NRG2: variants seen among roughly 807,000 people sequenced by gnomAD.
NRG2 encodes pro-neuregulin-2, membrane-bound isoform.
NRG2 carries 27 observed loss-of-function variants against 73.9 expected under a neutral mutation model. The observed-to-expected ratio is 0.37, with a 90% CI of 0.27 to 0.50. The LOEUF is 0.50. Ranked by LOEUF, NRG2 falls within the 20% of genes least tolerant of loss-of-function variation. The pLI is 0.96. For synonymous variants in NRG2, 532 were observed against 541.0 expected (o/e 0.98, Z 0.23); for missense variants, 1,126 against 1,210.1 (o/e 0.93, Z 1.03).
At chr5:140,040,573 T>A (rs1016716854) in intron 1 of NRG2, among the ~76,000 whole-genome samples, 1 of 152,166 alleles carries the variant, frequency 6.6e-6, no homozygotes, top group African/African-American at 2.4e-5. Flanking sequence ...ACAAAGACCA[T>A]CAAGTCCTCA....
chr5:139,937,176 T>C (rs1218429284), intron 1 of NRG2, among the ~76,000 whole-genome samples: 1 of 152,246 alleles, frequency 6.6e-6, no homozygotes, highest in Non-Finnish European at 1.5e-5. Flanking sequence ...GACTGCAAGA[T>C]TAATTTAACA....
chr5:139,868,821 C>G lies in NRG2; in HGVS notation c.1112+2900G>C, dbSNP rs1762663395. On this transcript the variant is annotated intron_variant, in intron 4 of 9. Transcript: ENST00000361474. This position sits in a 1 kb window ranked among gnomAD's most constrained non-coding sequence, Gnocchi z 4.2. ...TGAAGATGTGGCGAGGATGAGCAGG[C>G]AGATGGAGGTGGGATGGGGAATCAC... Among the ~76,000 whole-genome samples, 1 of 151,350 alleles carries G rather than the reference C, an allele frequency of 6.6e-6. No homozygotes were observed. The highest frequency in any genetic ancestry group is 2.1e-4 in the South Asian group (1 of 4,770).
chr5:139,921,853 G>A (rs1751689822), intron 1 of NRG2, among the ~76,000 whole-genome samples: 1 of 152,104 alleles, frequency 6.6e-6, no homozygotes, highest in Admixed American at 6.6e-5. Context: ...CTTGAGCTCA[G>A]GAGTTTGAGA....
intron 6 of NRG2, among the ~76,000 whole-genome samples, chr5:139,854,022 A>C (rs1043996194): frequency 3.9e-5 from 6 of 152,214 alleles, no homozygotes; most frequent in African/African-American, 1.4e-4. Context: ...ATTATTATGC[A>C]TTGCATGTCT....
At chr5:139,944,772 G>A (rs913565273) in intron 1 of NRG2, among the ~76,000 whole-genome samples, 1 of 152,120 alleles carries the variant, frequency 6.6e-6, no homozygotes, top group African/African-American at 2.4e-5. Flanking sequence ...TAAACTCCCA[G>A]TAGTGATATT....
intron 1 of NRG2, among the ~76,000 whole-genome samples, chr5:140,024,177 GGA>G (rs1185847944): frequency 6.6e-6 from 1 of 152,160 alleles, no homozygotes; most frequent in East Asian, 1.9e-4. Flanking sequence ...CTCACTGTAT[GGA>G]GAGAGATGCC....
intron 1 of NRG2, among the ~76,000 whole-genome samples, chr5:140,005,924 T>C (rs1198275634): frequency 6.6e-6 from 1 of 152,182 alleles, no homozygotes; most frequent in Non-Finnish European, 1.5e-5. Context: ...CGTGTGATCC[T>C]CTAAGCCTTC....
chr5:139,980,441 C>A (rs961964731), intron 1 of NRG2, among the ~76,000 whole-genome samples: 5 of 152,132 alleles, frequency 3.3e-5, no homozygotes, highest in African/African-American at 4.8e-5. Context: ...AGAGTCCAAG[C>A]CTTAGATCCA....
Position 139,887,164 on chromosome 5 carries a change from C to T in NRG2, c.872+176G>A, listed in dbSNP as rs936161635. Among the ~76,000 whole-genome samples, 5 of 152,276 alleles carry T rather than the reference C, an allele frequency of 3.3e-5. No homozygotes were observed. The highest frequency in any genetic ancestry group is 2.1e-4 in the South Asian group (1 of 4,828). ...TGGGCCACCATGACCAGAGGGTCCCCGAGCTGCAGGAAGAAGGCTGGGAGT... is the reference window on the plus strand; with the variant it reads ...TGGGCCACCATGACCAGAGGGTCCCTGAGCTGCAGGAAGAAGGCTGGGAGT... On this transcript the variant is annotated intron_variant, in intron 2 of 9. Coordinates refer to ENST00000361474, the MANE Select transcript of NRG2 (RefSeq NM_004883.3). This position sits in a 1 kb window ranked among gnomAD's most constrained non-coding sequence, Gnocchi z 4.5.
chr5:139,934,887 G>A (rs747023337), intron 1 of NRG2, among the ~76,000 whole-genome samples: 7 of 152,290 alleles, frequency 4.6e-5, no homozygotes, highest in East Asian at 3.9e-4. Context: ...AATCCTGGCC[G>A]GGCGCGGTGG....
At chr5:139,939,378 G>A (rs895590042) in intron 1 of NRG2, among the ~76,000 whole-genome samples, 7 of 151,766 alleles carry the variant, frequency 4.6e-5, no homozygotes, top group Non-Finnish European at 1.0e-4. Context: ...GGGTTCAAGC[G>A]ATTCTCATGC....
intron 1 of NRG2, among the ~76,000 whole-genome samples, chr5:140,012,983 A>G (rs959244128): frequency 6.6e-6 from 1 of 152,158 alleles, no homozygotes; most frequent in East Asian, 1.9e-4. Context: ...CCTGACAATC[A>G]TACTGTACCT....
chr5:139,871,414 C>T lies in NRG2; in HGVS notation c.1112+307G>A, dbSNP rs182160109. ...GAGAGAGAGAAAGAGAAACCCAGTGCCCAGTGCCTAGGGCATAGACTAGCA... is the reference window on the plus strand; with the variant it reads ...GAGAGAGAGAAAGAGAAACCCAGTGTCCAGTGCCTAGGGCATAGACTAGCA... On this transcript the variant is annotated intron_variant, in intron 4 of 9. Coordinates refer to ENST00000361474, the MANE Select transcript of NRG2 (RefSeq NM_004883.3). Among the ~76,000 whole-genome samples the T allele has an allele frequency of 6.0e-4, 91 of 152,190 alleles. 2 individuals are homozygous for T. The highest frequency in any genetic ancestry group is 6.2e-4 in the South Asian group (3 of 4,824).
At chr5:139,891,039 T>C (rs1270488778) in intron 1 of NRG2, among the ~76,000 whole-genome samples, 1 of 152,126 alleles carries the variant, frequency 6.6e-6, no homozygotes, top group African/African-American at 2.4e-5. Flanking sequence ...CTTACCTCAC[T>C]TGGAGTGTGT....
At chr5:140,019,178 G>A (rs1363827575) in intron 1 of NRG2, among the ~76,000 whole-genome samples, 1 of 152,196 alleles carries the variant, frequency 6.6e-6, no homozygotes, top group Non-Finnish European at 1.5e-5. Flanking sequence ...TGCTGGGCTA[G>A]AAACCCGGTT....
chr5:139,914,445 G>A lies in NRG2; in HGVS notation c.701-26934C>T, dbSNP rs540181670. 9.2e-5 allele frequency among the ~76,000 whole-genome samples: 14 copies of A among 152,198 alleles called. No homozygotes were observed. The East Asian group carries it at 1.2e-3, about 13-fold the overall frequency. Reference sequence around the variant, plus strand: ...CACCCCAGGCGTGGAACTCAGCCTCGTTCAGAGCTACCTTCCTCTCGCTGC... The same window carrying A: ...CACCCCAGGCGTGGAACTCAGCCTCATTCAGAGCTACCTTCCTCTCGCTGC... On this transcript the variant is annotated intron_variant, in intron 1 of 9. Transcript: ENST00000361474.
In NRG2 at chr5:139,848,311, G is replaced by A. The variant is rs1443731710; in HGVS notation, c.2159C>T (p.Ala720Val). ...GCGCGGCCGCGGCGGCGGCGGGGGC[G>A]CGCACTCCTGCGTGGTCTCGTACTC... ...DDEYETTQEC[A>V]PPPPPRPRAR... Residue 720 changes from alanine (A) to valine (V), a missense_variant, in exon 10 of 10, where the codon GCG becomes GTG. Around this residue, in one of 3 missense-constraint regions of NRG2, gnomAD observed 402 missense variants for 357.8 expected, o/e 1.12. Transcript: ENST00000361474. 2 of 1,179,908 alleles carry A rather than the reference G, an allele frequency of 1.7e-6. No individual in the cohort carries two copies. Among genetic ancestry groups the A allele is most frequent in the East Asian group, 3.7e-5 (1 of 27,290 alleles). 73.1% of individuals were successfully genotyped at this position (1,179,908 alleles called of 1,614,324 possible).
At chr5:139,971,580 C>T (rs765470283) in intron 1 of NRG2, among the ~76,000 whole-genome samples, 8 of 152,104 alleles carry the variant, frequency 5.3e-5, no homozygotes, top group Non-Finnish European at 1.0e-4. Flanking sequence ...GCTTGCCTTC[C>T]AGTTACAAAA....
At chr5:139,939,979 G>T (rs1753264045) in intron 1 of NRG2, among the ~76,000 whole-genome samples, 1 of 152,170 alleles carries the variant, frequency 6.6e-6, no homozygotes, top group Admixed American at 6.5e-5. Context: ...AATACAAAAG[G>T]TTGGGAAAGA....
Sources: gnomAD v4.1 joint callset for allele counts (sites outside exome capture counted in the v4.1 genomes callset) on GRCh38, gnomAD v4.1.1 for gene constraint, gnomAD v4.1.1 regional missense constraint, Gnocchi (gnomAD v3.1) non-coding constraint, MANE v1.5 for transcripts, NCBI Gene and HGNC (gene_info 2026-07-23, HGNC 2026-07-21) for gene names.